The following TBC1D4 variants were observed in gnomAD, a reference collection of about 807,000 sequenced individuals.
TBC1D4 encodes TBC (Tre-2, BUB2, CDC16) domain-containing protein.
In TBC1D4, 121 loss-of-function variants were observed where a neutral mutation model predicts 142.5. The ratio of observed to expected loss-of-function variants is 0.85; its 90% CI spans 0.73 to 0.99. The LOEUF (loss-of-function observed/expected upper bound fraction) is 0.99, where lower values mean the gene tolerates loss of function less well. TBC1D4 is among the 50% of genes least tolerant of loss of function. TBC1D4 has a pLI of 0.00. For missense variants in TBC1D4, 1,475 were observed against 1,606.6 expected (o/e 0.92, Z 1.40); for synonymous variants, 630 against 628.2 (o/e 1.00, Z -0.04).
At chr13:75,325,375 C>T (rs1879138212) in intron 10 of TBC1D4, among the ~76,000 whole-genome samples, 1 of 150,694 alleles carries the variant, frequency 6.6e-6, no homozygotes, top group East Asian at 1.9e-4. Context: ...TTGTAACACA[C>T]GATATAAAAA....
At chr13:75,410,256 A>C (rs1305917925) in intron 1 of TBC1D4, among the ~76,000 whole-genome samples, 2 of 152,230 alleles carry the variant, frequency 1.3e-5, no homozygotes, top group Middle Eastern at 3.4e-3. Flanking sequence ...AAAGGTTCCT[A>C]TGCTGTCAGT....
intron 1 of TBC1D4, among the ~76,000 whole-genome samples, chr13:75,464,310 G>A (rs764583235): frequency 2.6e-5 from 4 of 152,182 alleles, no homozygotes; most frequent in Admixed American, 6.5e-5. Context: ...TTACCGGAAC[G>A]AGGGCAAGGA....
intron 13 of TBC1D4, among the ~76,000 whole-genome samples, chr13:75,312,452 A>AAAGAAAG (rs1566366375): frequency 1.9e-5 from 2 of 106,328 alleles, no homozygotes; most frequent in African/African-American, 6.1e-5. Context: ...AAGAAAGAAA[A>AAAGAAAG]AGGACATACA....
intron 5 of TBC1D4, among the ~76,000 whole-genome samples, chr13:75,343,303 T>C (rs1171409957): frequency 6.6e-6 from 1 of 152,226 alleles, no homozygotes; most frequent in Non-Finnish European, 1.5e-5. Context: ...AAGCACACAG[T>C]ACTGCCATAC....
At chr13:75,287,938 C>T (rs199850953) in intron 20 of TBC1D4, among the ~76,000 whole-genome samples, 1 of 152,174 alleles carries the variant, frequency 6.6e-6, no homozygotes, top group East Asian at 1.9e-4. Flanking sequence ...GTCATCTCCC[C>T]GAAGACTTCA....
At chr13:75,440,744 T>TC in intron 1 of TBC1D4, among the ~76,000 whole-genome samples, 1 of 150,726 alleles carries the variant, frequency 6.6e-6, no homozygotes, top group East Asian at 2.0e-4. Context: ...TGTTTCTTTT[T>TC]TTTTTTTTGT....
chr13:75,438,836 G>A (rs1324447673), intron 1 of TBC1D4, among the ~76,000 whole-genome samples: 2 of 152,104 alleles, frequency 1.3e-5, no homozygotes, highest in Admixed American at 1.3e-4. Context: ...TATGATATGA[G>A]ATAAAAGTAT....
At chr13:75,359,676 TA>T in intron 3 of TBC1D4, 92 bp downstream of exon 3, 1 of 1,001,254 alleles carries the variant, frequency 1.0e-6, no homozygotes, top group Non-Finnish European at 1.5e-6. Flanking sequence ...CAAAAAAAAT[TA>T]AAATTTGAAG....
At chr13:75,394,692 T>C (rs1161497946) in intron 1 of TBC1D4, among the ~76,000 whole-genome samples, 1 of 152,270 alleles carries the variant, frequency 6.6e-6, no homozygotes, top group Non-Finnish European at 1.5e-5. Context: ...AGTATGTGGT[T>C]AGCTGTTTTG....
intron 2 of TBC1D4, among the ~76,000 whole-genome samples, chr13:75,360,437 C>T (rs779839072): frequency 6.6e-6 from 1 of 151,726 alleles, no homozygotes; most frequent in East Asian, 1.9e-4. Flanking sequence ...CCACCACCAA[C>T]AAAAAAGAAA....
chr13:75,434,952 G>A (rs1273311709), intron 1 of TBC1D4, among the ~76,000 whole-genome samples: 1 of 149,848 alleles, frequency 6.7e-6, no homozygotes, highest in East Asian at 1.9e-4. Flanking sequence ...ATTCGAGATT[G>A]GCCTGGCCAA....
At chr13:75,428,331 G>GA (rs1276655508) in intron 1 of TBC1D4, among the ~76,000 whole-genome samples, 1 of 151,878 alleles carries the variant, frequency 6.6e-6, no homozygotes, top group Non-Finnish European at 1.5e-5. Flanking sequence ...GATTTTAAAG[G>GA]AAAAAAACCT....
intron 13 of TBC1D4, among the ~76,000 whole-genome samples, chr13:75,311,547 A>C (rs548803610): frequency 6.6e-6 from 1 of 152,248 alleles, no homozygotes; most frequent in East Asian, 1.9e-4. Flanking sequence ...TTGAACACTC[A>C]GTGTAACTAA....
intron 17 of TBC1D4, among the ~76,000 whole-genome samples, chr13:75,298,349 AC>A (rs1876166205): frequency 6.6e-6 from 1 of 152,340 alleles, no homozygotes; most frequent in East Asian, 1.9e-4. Context: ...AGAAGTGAAA[AC>A]TAGGAGAGAA....
intron 1 of TBC1D4, among the ~76,000 whole-genome samples, chr13:75,411,932 T>C (rs935061625): frequency 6.6e-6 from 1 of 152,162 alleles, no homozygotes; most frequent in Non-Finnish European, 1.5e-5. Context: ...TAAATTTTCA[T>C]AAGGCTAAGG....
chr13:75,362,930 G>T lies in TBC1D4; in HGVS notation c.499-323C>A, dbSNP rs1050788955. ...ATATGTCTTTTGATTGTGTTTAAAAGTTATTTGTGCCTCAGCTGAAAGGAA... is the reference window on the plus strand; with the variant it reads ...ATATGTCTTTTGATTGTGTTTAAAATTTATTTGTGCCTCAGCTGAAAGGAA... On this transcript the variant is annotated intron_variant, in intron 1 of 20. Transcript: ENST00000377636. The surrounding 1 kb of genome is among the most constrained non-coding windows in gnomAD (Gnocchi z 4.2). Among the ~76,000 whole-genome samples the T allele has an allele frequency of 6.6e-6, 1 of 152,128 alleles. No homozygotes were observed. The highest frequency in any genetic ancestry group is 2.4e-5 in the African/African-American group (1 of 41,424).
At chr13:75,350,067 T>C (rs2138118556) in intron 4 of TBC1D4, among the ~76,000 whole-genome samples, 1 of 152,320 alleles carries the variant, frequency 6.6e-6, no homozygotes, top group East Asian at 1.9e-4. Flanking sequence ...CTCATCCCCA[T>C]GCATTGTTAA....
In TBC1D4 at chr13:75,286,234, G is replaced by GTAA. The variant is rs1874654016; in HGVS notation, c.*555_*557dup. 1 of 153,644 alleles carries GTAA rather than the reference G, an allele frequency of 6.5e-6. No individual in the cohort carries two copies. Among genetic ancestry groups the GTAA allele is most frequent in the Non-Finnish European group, 1.5e-5 (1 of 68,836 alleles). The allele number at this position is 153,644 out of a possible 1,614,324, so 9.5% of individuals were successfully genotyped here. A position where few individuals can be genotyped will look rare whatever the true frequency, so the allele number is the denominator to read the frequency against. On this transcript the variant is annotated 3_prime_UTR_variant, in exon 21 of 21. Transcript: ENST00000377636. ...CAAAAAACTCACAGGAGCATGACCA[G>GTAA]TAATCATTTTCCTCATATAGACAAT...
chr13:75,478,571 T>C (rs1053696259), intron 1 of TBC1D4, among the ~76,000 whole-genome samples: 8 of 152,208 alleles, frequency 5.3e-5, no homozygotes, highest in South Asian at 2.1e-4. Flanking sequence ...ACTTCAAATA[T>C]AGAACTCAGA....
Sources: allele counts gnomAD v4.1 joint callset (sites outside exome capture counted in the v4.1 genomes callset), GRCh38; gene constraint gnomAD v4.1.1; non-coding constraint Gnocchi (gnomAD v3.1); transcripts MANE v1.5; gene names NCBI Gene and HGNC (gene_info 2026-07-23, HGNC 2026-07-21).